LINGO2: variants seen among roughly 807,000 people sequenced by gnomAD.
LINGO2 encodes leucine-rich repeat and immunoglobulin-like domain-containing nogo receptor-interacting protein 2.
A neutral mutation model predicts 30.6 loss-of-function variants in LINGO2; 14 were observed. The ratio of observed to expected loss-of-function variants is 0.46; its 90% confidence interval spans 0.30 to 0.72. The LOEUF is 0.72. LINGO2 is among the 30% of genes least tolerant of loss of function. The pLI is 0.07. For synonymous variants in LINGO2, 317 were observed against 288.5 expected (o/e 1.10, Z -1.00); for missense variants, 729 against 751.7 (o/e 0.97, Z 0.35).
At chr9:28,089,733 AT>A (rs1447813727) in intron 4 of LINGO2, among the ~76,000 whole-genome samples, 1 of 152,210 alleles carries the variant, frequency 6.6e-6, no homozygotes, top group Non-Finnish European at 1.5e-5. Flanking sequence ...ACTGAAGGAA[AT>A]AGAGACACAA....
At chr9:28,589,750 C>T (rs1329666288) in intron 1 of LINGO2, among the ~76,000 whole-genome samples, 2 of 151,850 alleles carry the variant, frequency 1.3e-5, no homozygotes, top group African/African-American at 2.4e-5. Flanking sequence ...AGATTCAATG[C>T]CATCCCCATC....
At chr9:28,812,494 T>C in the LINGO2 span, among the ~76,000 whole-genome samples, 32 of 152,292 alleles carry the variant, frequency 2.1e-4, no homozygotes, top group Admixed American at 5.9e-4. Context: ...TAGGGAACAA[T>C]GTCTATGCAA....
At chr9:28,715,733 C>G in the LINGO2 span, among the ~76,000 whole-genome samples, 15 of 152,088 alleles carry the variant, frequency 9.9e-5, no homozygotes, top group East Asian at 2.7e-3. Context: ...CTTACATAGA[C>G]AAGCCACTTT....
the LINGO2 span, among the ~76,000 whole-genome samples, chr9:28,962,739 C>T: frequency 6.6e-6 from 1 of 151,556 alleles, no homozygotes; most frequent in Non-Finnish European, 1.5e-5. Flanking sequence ...ATTTATCATA[C>T]AACATATTCT....
chr9:29,117,705 T>A, the LINGO2 span, among the ~76,000 whole-genome samples: 6 of 152,182 alleles, frequency 3.9e-5, no homozygotes, highest in Non-Finnish European at 8.8e-5. Context: ...AATAAGTGCT[T>A]CTGCCTGTTG....
intron 2 of LINGO2, among the ~76,000 whole-genome samples, chr9:28,425,346 A>C (rs1929810): frequency 2.2e-4 from 30 of 137,072 alleles, no homozygotes; most frequent in South Asian, 4.7e-4. Flanking sequence ...TATATATATA[A>C]ACACATACAT....
the LINGO2 span, among the ~76,000 whole-genome samples, chr9:29,105,369 T>G: frequency 6.6e-6 from 1 of 152,198 alleles, no homozygotes; most frequent in African/African-American, 2.4e-5. Flanking sequence ...GGTTTCTGAA[T>G]GTATGCTCAT....
chr9:28,701,077 T>G, the LINGO2 span, among the ~76,000 whole-genome samples: 4 of 147,956 alleles, frequency 2.7e-5, no homozygotes, highest in Non-Finnish European at 4.5e-5. Flanking sequence ...GCTATTTTTT[T>G]TCAAATATTT....
At chr9:28,989,850 C>T in the LINGO2 span, among the ~76,000 whole-genome samples, 1 of 152,156 alleles carries the variant, frequency 6.6e-6, no homozygotes, top group Non-Finnish European at 1.5e-5. Flanking sequence ...TACTTTCTGG[C>T]TGGTGGGCAT....
chr9:28,886,738 A>G, the LINGO2 span, among the ~76,000 whole-genome samples: 1 of 152,168 alleles, frequency 6.6e-6, no homozygotes, highest in Non-Finnish European at 1.5e-5. Context: ...TGTCATCTAC[A>G]GAATCCTAGA....
At chr9:28,486,204 T>C (rs1022031374) in intron 1 of LINGO2, among the ~76,000 whole-genome samples, 9 of 152,154 alleles carry the variant, frequency 5.9e-5, no homozygotes, top group Non-Finnish European at 5.9e-5. Flanking sequence ...TCTAATAATC[T>C]GCTTGAGGGT....
At chr9:28,882,373 C>T in the LINGO2 span, among the ~76,000 whole-genome samples, 1 of 152,116 alleles carries the variant, frequency 6.6e-6, no homozygotes, top group South Asian at 2.1e-4. Flanking sequence ...TGAACTCCAG[C>T]TCTGCCATTT....
At chr9:28,714,392 G>A in the LINGO2 span, among the ~76,000 whole-genome samples, 4 of 151,802 alleles carry the variant, frequency 2.6e-5, no homozygotes, top group Admixed American at 6.6e-5. Flanking sequence ...GATCCAGGTT[G>A]AAGCCAGAGA....
At chr9:28,290,081 A>G (rs1331727886) in intron 4 of LINGO2, among the ~76,000 whole-genome samples, 1 of 152,068 alleles carries the variant, frequency 6.6e-6, no homozygotes, top group East Asian at 1.9e-4. Context: ...ACTCTCCATC[A>G]TTCTTCTGCA....
chr9:28,292,444 A>T (rs1319641078), intron 4 of LINGO2, among the ~76,000 whole-genome samples: 1 of 152,038 alleles, frequency 6.6e-6, no homozygotes, highest in Non-Finnish European at 1.5e-5. Context: ...TTTGTGTAAT[A>T]TCAATTATTT....
At chr9:28,583,588 A>G (rs1824375618) in intron 1 of LINGO2, among the ~76,000 whole-genome samples, 1 of 152,014 alleles carries the variant, frequency 6.6e-6, no homozygotes, top group Middle Eastern at 3.2e-3. Flanking sequence ...TTCAAATTGA[A>G]GTTAATAAAG....
At chr9:29,212,993 G>A in the LINGO2 span, among the ~76,000 whole-genome samples, 1 of 152,162 alleles carries the variant, frequency 6.6e-6, no homozygotes, top group African/African-American at 2.4e-5. Flanking sequence ...ACAAGTCCAG[G>A]GGCTTTTCCT....
chr9:28,439,027 ATACAT>A (rs1191880564), intron 2 of LINGO2, among the ~76,000 whole-genome samples: 1 of 147,552 alleles, frequency 6.8e-6, no homozygotes, highest in African/African-American at 2.5e-5. Context: ...ACAGATATCT[ATACAT>A]TATATATGAA....
At chr9:28,731,083 C>T in the LINGO2 span, among the ~76,000 whole-genome samples, 1 of 151,970 alleles carries the variant, frequency 6.6e-6, no homozygotes, top group Admixed American at 6.6e-5. Flanking sequence ...CTCTGCCTCC[C>T]GGATTGAAGC....
Sources: allele counts gnomAD v4.1 joint callset (sites outside exome capture counted in the v4.1 genomes callset), GRCh38; gene constraint gnomAD v4.1.1; transcripts MANE v1.5; gene names NCBI Gene and HGNC (gene_info 2026-07-23, HGNC 2026-07-21).